The following GPR107 variants were observed in gnomAD, a reference collection of about 807,000 sequenced individuals.
The protein encoded by GPR107 is protein GPR107.
Under a neutral mutation model 75.5 loss-of-function variants are expected in GPR107, and 31 were observed. That is an observed-to-expected ratio of 0.41 (90% confidence interval 0.31 to 0.55). The LOEUF (loss-of-function observed/expected upper bound fraction) is 0.55. Ranked by LOEUF, GPR107 falls within the 20% of genes least tolerant of loss-of-function variation. The pLI is 0.26. For missense variants in GPR107, 572 were observed against 665.7 expected, an observed-to-expected ratio of 0.86 and a Z score of 1.55; for synonymous variants, 267 against 251.3, an observed-to-expected ratio of 1.06 and a Z score of -0.59.
intron 7 of GPR107, among the ~76,000 whole-genome samples, chr9:130,089,145 G>A (rs938997685): frequency 6.6e-6 from 1 of 151,940 alleles, no homozygotes; most frequent in Non-Finnish European, 1.5e-5. Context: ...ACTCCAGCTC[G>A]GGCGACAGTC....
intron 9 of GPR107, among the ~76,000 whole-genome samples, chr9:130,096,507 G>A (rs1335826226): frequency 1.6e-5 from 2 of 127,688 alleles, no homozygotes; most frequent in Non-Finnish European, 3.1e-5. Flanking sequence ...CTCACTCTGT[G>A]CCCCAGGCTG....
At chr9:130,125,090 C>CTTTT (rs11461385) in intron 15 of GPR107, 126 bp downstream of exon 15, 6,382 of 156,224 alleles carry the variant, frequency 0.041, 30 homozygotes, top group South Asian at 0.083. Context: ...GTGTGGCTTG[C>CTTTT]TTTTTTTTTT....
In GPR107 at chr9:130,136,215, C is replaced by T. The variant is rs1554899956; in HGVS notation, c.*1094C>T. 6.6e-6 allele frequency: 1 copy of T among 152,208 alleles called. No individual in the cohort carries two copies. Among genetic ancestry groups the T allele is most frequent in the Non-Finnish European group, 1.5e-5 (1 of 68,052 alleles). The allele number at this position is 152,208 out of a possible 1,614,324, so 9.4% of individuals were successfully genotyped here. ...GAGCATGATTCAACAGTTTCACTCT[C>T]AGGGATTTTAGGATGGCAAAATACT... On this transcript the variant is annotated 3_prime_UTR_variant, in exon 18 of 18. Coordinates refer to ENST00000347136, the MANE Select transcript of GPR107 (RefSeq NM_020960.5).
chr9:130,136,993 T>C lies in GPR107; in HGVS notation c.*1872T>C, dbSNP rs1554900064. The C allele has an allele frequency of 1.3e-5, 2 of 152,220 alleles. No homozygotes were observed. Among genetic ancestry groups the C allele is most frequent in the Non-Finnish European group, 2.9e-5 (2 of 68,036 alleles). The allele number at this position is 152,220 out of a possible 1,614,324, so 9.4% of individuals were successfully genotyped here. On this transcript the variant is annotated 3_prime_UTR_variant, in exon 18 of 18. Transcript: ENST00000347136. ...GAGTTGGAGGGAGGATGGGAATATT[T>C]TTAACACTTTGTTTTCCTGTGCAGA...
intron 14 of GPR107, among the ~76,000 whole-genome samples, chr9:130,109,535 T>C (rs1727315868): frequency 6.6e-6 from 1 of 151,736 alleles, no homozygotes; most frequent in Non-Finnish European, 1.5e-5. Context: ...AGTTTTATTA[T>C]ATTTGTAACT....
chr9:130,094,922 C>T lies in GPR107; in HGVS notation c.863+2541C>T, dbSNP rs1830827321. The stretch of plus-strand genomic sequence containing the variant: ...TCTTGAACTCCTGACCTCAGGTGAT[C>T]CACCTGCCTTGGCCTCCCAAAGTGC... On this transcript the variant is annotated intron_variant, in intron 9 of 17. Coordinates refer to ENST00000347136, the MANE Select transcript of GPR107 (RefSeq NM_020960.5). 4.6e-5 allele frequency among the ~76,000 whole-genome samples: 7 copies of T among 152,242 alleles called. No individual in the cohort carries two copies. In the South Asian group the frequency reaches 1.4e-3, roughly 32 times the overall value.
intron 17 of GPR107, among the ~76,000 whole-genome samples, chr9:130,130,956 G>A (rs1390768715): frequency 6.6e-6 from 1 of 151,780 alleles, no homozygotes; most frequent in Non-Finnish European, 1.5e-5. Flanking sequence ...TGTGGCAGAA[G>A]GAACCTGTGT....
chr9:130,076,963 C>G (rs538095472), intron 3 of GPR107, among the ~76,000 whole-genome samples: 60 of 151,610 alleles, frequency 4.0e-4, no homozygotes, highest in Non-Finnish European at 6.3e-4. Context: ...TCTTGGCTCA[C>G]TGCAACCTCC....
At chr9:130,106,092 T>G (rs1174581758) in intron 13 of GPR107, among the ~76,000 whole-genome samples, 1 of 152,080 alleles carries the variant, frequency 6.6e-6, no homozygotes, top group Non-Finnish European at 1.5e-5. Flanking sequence ...GGAACAGAGG[T>G]TCACACCCTA....
intron 1 of GPR107, among the ~76,000 whole-genome samples, chr9:130,062,639 TGCC>T (rs1829956963): frequency 2.0e-5 from 2 of 100,036 alleles, no homozygotes; most frequent in African/African-American, 3.4e-5. Context: ...CCTTCCTGCC[TGCC>T]TGCCTGCCTG....
intron 9 of GPR107, among the ~76,000 whole-genome samples, chr9:130,094,344 T>C (rs1414586276): frequency 6.6e-6 from 1 of 152,042 alleles, no homozygotes; most frequent in South Asian, 2.1e-4. Flanking sequence ...CTCAGGAGGC[T>C]GAAGCAGGAG....
intron 14 of GPR107, among the ~76,000 whole-genome samples, chr9:130,110,821 A>T (rs1468130251): frequency 1.3e-5 from 2 of 152,110 alleles, no homozygotes; most frequent in African/African-American, 4.8e-5. Context: ...CTGTGGCCCC[A>T]TTGGCCCTCT....
intron 1 of GPR107, among the ~76,000 whole-genome samples, chr9:130,058,549 C>T (rs567726223): frequency 6.6e-6 from 1 of 152,038 alleles, no homozygotes; most frequent in East Asian, 1.9e-4. Flanking sequence ...ACTGCAACCT[C>T]TACCTCCCAG....
chr9:130,135,412 T>C lies in GPR107; in HGVS notation c.*291T>C. The C allele has an allele frequency of 3.1e-6, 1 of 326,694 alleles. No individual in the cohort carries two copies. The highest frequency in any genetic ancestry group is 5.6e-6 in the Non-Finnish European group (1 of 177,562). 20.2% of individuals were successfully genotyped at this position (326,694 alleles called of 1,614,324 possible). A position where few individuals can be genotyped will look rare whatever the true frequency, so the allele number is the denominator to read the frequency against. ...AGAATTCATTTTTAATTTAGGTTTC[T>C]TTTTTTCTTCTTCATTTCGGAGCTC... On this transcript the variant is annotated 3_prime_UTR_variant, in exon 18 of 18. Coordinates refer to ENST00000347136, the MANE Select transcript of GPR107 (RefSeq NM_020960.5).
At chr9:130,124,242 AG>A (rs1355520246) in intron 14 of GPR107, among the ~76,000 whole-genome samples, 1 of 152,212 alleles carries the variant, frequency 6.6e-6, no homozygotes, top group East Asian at 1.9e-4. Context: ...GATGAATGAA[AG>A]GATTGCTGAT....
At chr9:130,075,480 A>G (rs1239789160) in intron 1 of GPR107, among the ~76,000 whole-genome samples, 156 bp from the exon 2 acceptor site, 1 of 152,116 alleles carries the variant, frequency 6.6e-6, no homozygotes, top group East Asian at 1.9e-4. Flanking sequence ...TCCTGACCTC[A>G]GGTGATCCAC....
intron 17 of GPR107, among the ~76,000 whole-genome samples, chr9:130,132,797 T>TA (rs1197993013): frequency 5.3e-4 from 71 of 134,252 alleles, no homozygotes; most frequent in Admixed American, 2.6e-3. Flanking sequence ...AAAAATCAAA[T>TA]AAAAAAAAAA....
chr9:130,118,633 AG>A (rs986006493), intron 14 of GPR107, among the ~76,000 whole-genome samples: 1 of 151,932 alleles, frequency 6.6e-6, no homozygotes, highest in African/African-American at 2.4e-5. Flanking sequence ...CCCCAAGACC[AG>A]GTGGACATGA....
rs186345258 is a variant in GPR107, at chr9:130,063,126, C to T, written c.141+9053C>T. On this transcript the variant is annotated intron_variant, in intron 1 of 17. Transcript: ENST00000347136. ...TTAAACAGACATTTCAGGGTTTCAT[C>T]TCTTTTAAGTGTGAATATCTATTAA... Among the ~76,000 whole-genome samples the T allele has an allele frequency of 3.9e-5, 6 of 152,246 alleles. No individual in the cohort carries two copies. The East Asian group carries it at 9.6e-4, about 24-fold the overall frequency.
Sources: gnomAD v4.1 joint callset for allele counts (sites outside exome capture counted in the v4.1 genomes callset) on GRCh38, gnomAD v4.1.1 for gene constraint, MANE v1.5 for transcripts, NCBI Gene and HGNC (gene_info 2026-07-23, HGNC 2026-07-21) for gene names.